The following KCNG4 variants were observed in gnomAD, a reference collection of about 807,000 sequenced individuals.
KCNG4 encodes the protein voltage-gated potassium channel regulatory subunit KCNG4.
Under a neutral mutation model 28.2 loss-of-function variants are expected in KCNG4, and 30 were observed. The observed-to-expected ratio is 1.06, with a 90% CI of 0.80 to 1.44. KCNG4 has a LOEUF of 1.44. Among genes scored for constraint, KCNG4 ranks in the 40% most tolerant of loss-of-function variants. The pLI, the probability that KCNG4 is intolerant of heterozygous loss-of-function variation, is 0.00. For missense variants in KCNG4, 879 were observed against 712.3 expected, an observed-to-expected ratio of 1.23 and a Z score of -2.66; for synonymous variants, 375 against 315.5, an observed-to-expected ratio of 1.19 and a Z score of -2.00.
At chr16:84,238,671 G>C (rs1313670010) in intron 1 of KCNG4, among the ~76,000 whole-genome samples, 2 of 152,124 alleles carry the variant, frequency 1.3e-5, no homozygotes, top group Non-Finnish European at 2.9e-5. Flanking sequence ...TCAGGAGTTC[G>C]AGACCAGCCT....
chr16:84,227,831 A>T (rs912887474), intron 2 of KCNG4, among the ~76,000 whole-genome samples: 2 of 152,192 alleles, frequency 1.3e-5, no homozygotes, highest in Non-Finnish European at 2.9e-5. Context: ...CAGACACGAC[A>T]TGTTGGATGA....
intron 1 of KCNG4, among the ~76,000 whole-genome samples, chr16:84,239,243 T>C (rs1403701543): frequency 2.0e-5 from 3 of 152,236 alleles, no homozygotes; most frequent in Non-Finnish European, 4.4e-5. Flanking sequence ...TCTGTTGCTC[T>C]GAATGCATTA....
intron 1 of KCNG4, among the ~76,000 whole-genome samples, chr16:84,238,089 G>C: frequency 6.6e-6 from 1 of 152,156 alleles, no homozygotes; most frequent in Non-Finnish European, 1.5e-5. Context: ...ACATCGTAGG[G>C]CATGGCAAGG....
chr16:84,222,487 T>C lies in KCNG4; in HGVS notation c.1290A>G (p.Pro430=), dbSNP rs757885798. 3.1e-6 allele frequency: 5 copies of C among 1,613,654 alleles called. No individual in the cohort carries two copies. In the Admixed American group the frequency reaches 6.7e-5, roughly 22 times the overall value. The change falls in exon 3 of 3, where the codon CCA becomes CCG. Residue 430 remains proline, a synonymous_variant. Transcript: ENST00000308251. ...TGCTGCTGAGGGCCACCATCTGGCC[T>C]GGCACACTGCGGGGCACCATGTCCC... ...GYGDMVPRSV[P]GQMVALSSIL...
Position 84,222,518 on chromosome 16 carries a change from C to A in KCNG4, c.1259G>T (p.Gly420Val). ...WWAIISMTTV[G>V]YGDMVPRSVP... is the part of the protein sequence containing the mutation. ...ACTGCGGGGCACCATGTCCCCGTAG[C>A]CCACCGTTGTCATGGAGATGATGGC... The change falls in exon 3 of 3, where the codon GGC becomes GTC. Residue 420 changes from glycine to valine, a missense_variant. Physicochemically the swap from Gly to Val is moderately radical, Grantham distance 109. Coordinates refer to ENST00000308251, the MANE Select transcript of KCNG4 (RefSeq NM_172347.3). The A allele has an allele frequency of 6.2e-7, 1 of 1,613,394 alleles. No homozygotes were observed. The highest frequency in any genetic ancestry group is 8.5e-7 in the Non-Finnish European group (1 of 1,179,776).
intron 2 of KCNG4, among the ~76,000 whole-genome samples, chr16:84,231,062 C>T (rs1015479478): frequency 6.6e-6 from 1 of 152,304 alleles, no homozygotes; most frequent in African/African-American, 2.4e-5. Flanking sequence ...GGGATGGAGG[C>T]TGGTGAGCAG....
chr16:84,232,834 G>A (rs918545810), intron 2 of KCNG4, among the ~76,000 whole-genome samples: 4 of 150,180 alleles, frequency 2.7e-5, no homozygotes, highest in East Asian at 3.9e-4. Flanking sequence ...GTGAGTCAGA[G>A]GCTGCAGTGA....
intron 2 of KCNG4, among the ~76,000 whole-genome samples, chr16:84,229,930 G>T (rs1330977271): frequency 6.6e-6 from 1 of 152,218 alleles, no homozygotes; most frequent in African/African-American, 2.4e-5. Flanking sequence ...CAGAGAGCAG[G>T]CCAGTTTTTT....
chr16:84,231,708 C>G (rs969726689), intron 2 of KCNG4, among the ~76,000 whole-genome samples: 1 of 152,064 alleles, frequency 6.6e-6, no homozygotes, highest in Non-Finnish European at 1.5e-5. Flanking sequence ...CCAGTGCATT[C>G]AAGTGAGAGT....
intron 1 of KCNG4, 45 bp downstream of exon 1, chr16:84,239,625 C>T (rs1195895280): frequency 6.6e-6 from 1 of 152,162 alleles, no homozygotes; most frequent in East Asian, 1.9e-4. Flanking sequence ...TGGCCCCCGC[C>T]CACCCTACAG....
intron 2 of KCNG4, among the ~76,000 whole-genome samples, chr16:84,223,253 C>T (rs1295660455): frequency 6.6e-6 from 1 of 152,126 alleles, no homozygotes; most frequent in Admixed American, 6.5e-5. Flanking sequence ...ACTAAGTCCT[C>T]ACCTCCGGAC....
intron 2 of KCNG4, among the ~76,000 whole-genome samples, chr16:84,231,919 G>T (rs972818202): frequency 6.7e-6 from 1 of 149,204 alleles, no homozygotes; most frequent in African/African-American, 2.5e-5. Flanking sequence ...CAGGAGAATT[G>T]TTTGAACCCG....
At position 84,222,533 on chromosome 16, in the gene KCNG4, G is replaced by C; in HGVS notation, c.1244C>G (p.Ser415Cys). The C allele has an allele frequency of 1.2e-6, 2 of 1,613,612 alleles. No individual in the cohort carries two copies. The highest frequency in any genetic ancestry group is 1.7e-6 in the Non-Finnish European group (2 of 1,179,936). Residue 415 changes from serine (S) to cysteine (C), a missense_variant, in exon 3 of 3, where the codon TCC (serine) becomes TGC (cysteine). Transcript: ENST00000308251. ...IPASYWWAII[S>C]MTTVGYGDMV... ...GTCCCCGTAGCCCACCGTTGTCATG[G>C]AGATGATGGCCCACCAATAGGAGGC...
intron 2 of KCNG4, 132 bp downstream of exon 2, chr16:84,236,598 A>T: frequency 2.0e-6 from 2 of 1,019,986 alleles, no homozygotes; most frequent in Non-Finnish European, 2.8e-6. Context: ...AATGAATATA[A>T]CCCATGTTGG....
At chr16:84,230,402 C>CAA (rs36051103) in intron 2 of KCNG4, among the ~76,000 whole-genome samples, 3,691 of 30,072 alleles carry the variant, frequency 0.12, 702 homozygotes, top group Non-Finnish European at 0.16. Flanking sequence ...GACTTCATCT[C>CAA]AAAAAAAAAA....
rs2151334497 is a variant in KCNG4, at chr16:84,218,843, T to C, written c.*3374A>G. On this transcript the variant is annotated 3_prime_UTR_variant, in exon 3 of 3. Transcript: ENST00000308251. ...TGATTTTAAATGTTTCTTTTAGTGC[T>C]GGCACACTTTGGTGAAGAGGTCTGG... The C allele has an allele frequency of 6.6e-6, 1 of 152,346 alleles. No homozygotes were observed. The highest frequency in any genetic ancestry group is 1.9e-4 in the East Asian group (1 of 5,182). 9.4% of individuals were successfully genotyped at this position (152,346 alleles called of 1,614,324 possible).
chr16:84,224,499 G>A (rs574835278), intron 2 of KCNG4, among the ~76,000 whole-genome samples: 4 of 152,102 alleles, frequency 2.6e-5, no homozygotes, highest in Admixed American at 2.6e-4. Flanking sequence ...CTGTGTAAAA[G>A]GCAAGGTGTT....
In KCNG4 at chr16:84,226,701, A is replaced by C. The variant is rs543507361; in HGVS notation, c.757-3681T>G. ...CGAGACCAGCCTGACCAATATGGTG[A>C]AACCTTGTCGCTACTAAAAATACAA... On this transcript the variant is annotated intron_variant, in intron 2 of 2. Coordinates refer to ENST00000308251, the MANE Select transcript of KCNG4 (RefSeq NM_172347.3). This position sits in a 1 kb window ranked among gnomAD's most constrained non-coding sequence, Gnocchi z 4.1. Among the ~76,000 whole-genome samples the C allele has an allele frequency of 3.3e-5, 5 of 151,424 alleles. No homozygotes were observed. The highest frequency in any genetic ancestry group is 1.2e-4 in the African/African-American group (5 of 41,324).
rs2151340459 is a variant in KCNG4, at chr16:84,236,717, A to G, written c.756+13T>C. On this transcript the variant is annotated intron_variant, in intron 2 of 2. Transcript: ENST00000308251. ...GCGGGATGGAGCCGTGAATGCCATC[A>G]GAGGCCGCTCACCTGGTCCTCCTCT... is the stretch of plus-strand genomic sequence containing the variant. 6.3e-7 allele frequency: 1 copy of G among 1,597,908 alleles called. No homozygotes were observed. The highest frequency in any genetic ancestry group is 2.2e-5 in the East Asian group (1 of 44,556).
Sources: gnomAD v4.1 joint callset for allele counts (sites outside exome capture counted in the v4.1 genomes callset) on GRCh38, gnomAD v4.1.1 for gene constraint, Gnocchi (gnomAD v3.1) non-coding constraint, MANE v1.5 for transcripts, NCBI Gene and HGNC (gene_info 2026-07-23, HGNC 2026-07-21) for gene names.